The following NPHP4 variants were observed in gnomAD, a reference collection of about 807,000 sequenced individuals.
NPHP4 encodes the protein nephrocystin 4, also known as nephrocystin-4.
In NPHP4, 151 loss-of-function variants were observed where a neutral mutation model predicts 155.8. The observed-to-expected ratio is 0.97, with a 90% CI of 0.85 to 1.11. NPHP4 has a LOEUF of 1.11. Among genes scored for constraint, NPHP4 ranks in the 50% least tolerant of loss-of-function variants. The probability of loss-of-function intolerance (pLI) is 0.00; values close to 1 mark genes in which losing one functional copy is unlikely to be tolerated. For synonymous variants in NPHP4, 845 were observed against 816.8 expected, an observed-to-expected ratio of 1.03 and a Z score of -0.59; for missense variants, 1,956 against 1,925.7, an observed-to-expected ratio of 1.02 and a Z score of -0.29.
chr1:5,893,853 G>C (rs1377423808), intron 16 of NPHP4, among the ~76,000 whole-genome samples: 1 of 152,214 alleles, frequency 6.6e-6, no homozygotes, highest in South Asian at 2.1e-4. Flanking sequence ...ATTACCTCTA[G>C]ATCAAGGAGC....
At chr1:5,911,454 C>T (rs934829173) in intron 11 of NPHP4, among the ~76,000 whole-genome samples, 6 of 152,230 alleles carry the variant, frequency 3.9e-5, no homozygotes, top group African/African-American at 1.4e-4. Flanking sequence ...GCCCTCCGTG[C>T]CTGTGTGCGT....
Position 5,991,921 on chromosome 1 carries a change from CCAGGGGGCAGGGGG to C in NPHP4, c.-39+309_-39+322del, listed in dbSNP as rs71568636. Among the ~76,000 whole-genome samples the C allele has an allele frequency of 3.4e-3, 342 of 101,018 alleles. 3 individuals are homozygous for C. The highest frequency in any genetic ancestry group is 0.011 in the African/African-American group (284 of 26,132). 66.3% of individuals were successfully genotyped at this position (101,018 alleles called of 152,430 possible). ...CTTCAGCCGAGGGGCTGCAGAGAGGCCAGGGGGCAGGGGGCAGGGGGCAGGGGGCAGGGGGCAAA... is the reference window on the plus strand; with the variant it reads ...CTTCAGCCGAGGGGCTGCAGAGAGGCCAGGGGGCAGGGGGCAGGGGGCAAA... On this transcript the variant is annotated intron_variant, in intron 1 of 29. Transcript: ENST00000378156.
In NPHP4 at chr1:5,866,416, C is replaced by T. The variant is rs770432925; in HGVS notation, c.3601G>A (p.Gly1201Ser). 1 of 1,608,768 alleles carries T rather than the reference C, an allele frequency of 6.2e-7. No individual in the cohort carries two copies. Among genetic ancestry groups the T allele is most frequent in the East Asian group, 2.2e-5 (1 of 44,724 alleles). The change falls in exon 26 of 30, where the codon GGT (glycine) becomes AGT (serine). Residue 1201 changes from glycine (G) to serine (S), a missense_variant. By Grantham distance (56) the Gly-to-Ser change is moderately conservative. Transcript: ENST00000378156. ...AAGTCTTTGATCTCCGGGCTTGGAC[C>T]ACTGGCCACCTTCAGAAATATGTCC... ...PRDIFLKVAS[G>S]PSPEIKDFFV...
chr1:5,879,446 T>C, intron 19 of NPHP4: 1 of 472,790 alleles, frequency 2.1e-6, no homozygotes, highest in South Asian at 1.6e-5. Context: ...TTTCCCAAGC[T>C]CCATAATTGG....
At chr1:5,870,917 G>A (rs1287626) in intron 23 of NPHP4, among the ~76,000 whole-genome samples, 45,520 of 152,150 alleles carry the variant, frequency 0.3, 7,663 homozygotes, top group South Asian at 0.41. Flanking sequence ...GCCACTGGAC[G>A]GGCCATCTAT....
intron 6 of NPHP4, among the ~76,000 whole-genome samples, chr1:5,953,692 G>C (rs895904435): frequency 2.0e-5 from 3 of 152,188 alleles, no homozygotes; most frequent in Non-Finnish European, 2.9e-5. Flanking sequence ...TCACGGTCTC[G>C]TGCAAAGCAG....
intron 16 of NPHP4, among the ~76,000 whole-genome samples, chr1:5,893,377 G>C (rs1644238504): frequency 6.6e-6 from 1 of 152,198 alleles, no homozygotes; most frequent in African/African-American, 2.4e-5. Context: ...TAAAGTGTGT[G>C]AGTCATCTCC....
intron 3 of NPHP4, among the ~76,000 whole-genome samples, chr1:5,975,187 C>G (rs1162311748): frequency 6.6e-6 from 1 of 152,228 alleles, no homozygotes; most frequent in African/African-American, 2.4e-5. Flanking sequence ...TACATGTGTA[C>G]ATGGATGTGC....
intron 11 of NPHP4, 62 bp downstream of exon 11, chr1:5,927,587 G>A (rs912365750): frequency 4.1e-5 from 62 of 1,526,272 alleles, no homozygotes; most frequent in Middle Eastern, 3.5e-4. Context: ...ACCTTTCCCC[G>A]GGAAGAGATG....
Position 5,868,685 on chromosome 1 carries a change from T to C in NPHP4, c.3316-789A>G, listed in dbSNP as rs150246243. 1.9e-3 allele frequency among the ~76,000 whole-genome samples: 255 copies of C among 137,414 alleles called. 2 individuals carry two copies. Among genetic ancestry groups the C allele is most frequent in the Middle Eastern group, 0.011 (2 of 182 alleles). 90.1% of individuals were successfully genotyped at this position (137,414 alleles called of 152,430 possible). On this transcript the variant is annotated intron_variant, in intron 23 of 29. Transcript: ENST00000378156. ...AGCCACAAATGCACACACATGCATG[T>C]ACACATATACATGCACGCATGCCCC...
intron 5 of NPHP4, among the ~76,000 whole-genome samples, chr1:5,962,552 G>A (rs1208789366): frequency 6.6e-6 from 1 of 152,200 alleles, no homozygotes; most frequent in Non-Finnish European, 1.5e-5. Context: ...CCAAACGGAG[G>A]AGGGCAGCAC....
rs776693989 is a variant in NPHP4 at position 5,889,844 on chromosome 1, C to G, written c.2304+1024G>C. Among the ~76,000 whole-genome samples the G allele has an allele frequency of 6.6e-6, 1 of 152,230 alleles. No homozygotes were observed. The highest frequency in any genetic ancestry group is 1.5e-5 in the Non-Finnish European group (1 of 68,028). ...CCAAGCCCTGCGGAGTCCCTGCCAC[C>G]TGCAGACCCCACCCTGAACGTTCTG... On this transcript the variant is annotated intron_variant, in intron 17 of 29. Transcript: ENST00000378156. The surrounding 1 kb of genome is among the most constrained non-coding windows in gnomAD (Gnocchi z 4.2).
chr1:5,913,181 C>G (rs1284858331), intron 11 of NPHP4, among the ~76,000 whole-genome samples: 1 of 149,068 alleles, frequency 6.7e-6, no homozygotes, highest in Non-Finnish European at 1.5e-5. Flanking sequence ...AGCACAGAGA[C>G]TCAGCTCTTC....
chr1:5,988,868 C>T (rs898099163), intron 1 of NPHP4, among the ~76,000 whole-genome samples: 1 of 152,184 alleles, frequency 6.6e-6, no homozygotes, highest in Non-Finnish European at 1.5e-5. Flanking sequence ...CCGCCTCCAC[C>T]CACAGTGCAC....
rs1404989531 is a variant in NPHP4 at position 5,892,335 on chromosome 1, C to T, written c.2144-1307G>A. Among the ~76,000 whole-genome samples, 1 of 152,054 alleles carries T rather than the reference C, an allele frequency of 6.6e-6. No homozygotes were observed. The highest frequency in any genetic ancestry group is 2.4e-5 in the African/African-American group (1 of 41,402). On this transcript the variant is annotated intron_variant, in intron 16 of 29. Transcript: ENST00000378156. This position sits in a 1 kb window ranked among gnomAD's most constrained non-coding sequence, Gnocchi z 4.5. Reference sequence around the variant, plus strand: ...AGAGGAGCCTAGACCAGGATGGCCCCGTGCCTAGCATGCTCCTGCCCCCCA... The same window carrying T: ...AGAGGAGCCTAGACCAGGATGGCCCTGTGCCTAGCATGCTCCTGCCCCCCA...
At chr1:5,974,953 C>G (rs1356799942) in intron 3 of NPHP4, among the ~76,000 whole-genome samples, 1 of 152,156 alleles carries the variant, frequency 6.6e-6, no homozygotes, top group African/African-American at 2.4e-5. Context: ...TGCTGATAGG[C>G]AAAGACCAGA....
chr1:5,946,482 A>T (rs1489361852), intron 9 of NPHP4, among the ~76,000 whole-genome samples: 2 of 152,218 alleles, frequency 1.3e-5, no homozygotes, highest in Non-Finnish European at 2.9e-5. Context: ...AATAATCATG[A>T]ATTAACGCTA....
At chr1:5,903,167 A>G (rs886982313) in intron 16 of NPHP4, among the ~76,000 whole-genome samples, 2 of 152,228 alleles carry the variant, frequency 1.3e-5, no homozygotes, top group African/African-American at 4.8e-5. Flanking sequence ...TGATCAATCT[A>G]CTGAGAAGTA....
chr1:5,941,883 G>A (rs994273893), intron 9 of NPHP4, among the ~76,000 whole-genome samples: 1 of 152,174 alleles, frequency 6.6e-6, no homozygotes, highest in African/African-American at 2.4e-5. Context: ...GAGGTGCCAT[G>A]CCAGCTGCAG....
Sources: gnomAD v4.1 joint callset for allele counts (sites outside exome capture counted in the v4.1 genomes callset) on GRCh38, gnomAD v4.1.1 for gene constraint, Gnocchi (gnomAD v3.1) non-coding constraint, MANE v1.5 for transcripts, NCBI Gene and HGNC (gene_info 2026-07-23, HGNC 2026-07-21) for gene names.